ARL15: variants seen among roughly 807,000 people sequenced by gnomAD.
ARL15 encodes the protein ADP-ribosylation factor-like protein 15.
ARL15 carries 19 observed loss-of-function variants against 25.2 expected under a neutral mutation model. The observed-to-expected ratio is 0.75, with a 90% CI of 0.53 to 1.10. The LOEUF is 1.10. Among genes scored for constraint, ARL15 ranks in the 50% least tolerant of loss-of-function variants. ARL15 has a pLI of 0.00. For missense variants in ARL15, 220 were observed against 246.0 expected, an observed-to-expected ratio of 0.89 and a Z score of 0.71; for synonymous variants, 94 against 86.8, an observed-to-expected ratio of 1.08 and a Z score of -0.46.
chr5:54,051,315 CTAA>C (rs1389036695), intron 4 of ARL15, among the ~76,000 whole-genome samples: 2 of 152,152 alleles, frequency 1.3e-5, no homozygotes, highest in Non-Finnish European at 2.9e-5. Flanking sequence ...AGTCGCAAGA[CTAA>C]TAAGTACCAA....
At chr5:54,048,399 A>G (rs942369613) in intron 4 of ARL15, 5 of 98,600 alleles carry the variant, frequency 5.1e-5, no homozygotes, top group Non-Finnish European at 1.0e-4. Flanking sequence ...TAAATTATAT[A>G]TATATATATT....
At chr5:54,218,265 T>TA (rs957934430) in intron 1 of ARL15, among the ~76,000 whole-genome samples, 1 of 152,140 alleles carries the variant, frequency 6.6e-6, no homozygotes, top group Non-Finnish European at 1.5e-5. Flanking sequence ...ATGGTTTTTT[T>TA]AAAAAATTTT....
intron 1 of ARL15, among the ~76,000 whole-genome samples, chr5:54,206,338 G>A (rs1755867836): frequency 6.6e-6 from 1 of 152,090 alleles, no homozygotes; most frequent in African/African-American, 2.4e-5. Flanking sequence ...TATTTATAGT[G>A]AACAAGGAAG....
At chr5:54,061,416 C>G (rs975675936) in intron 4 of ARL15, among the ~76,000 whole-genome samples, 1 of 152,074 alleles carries the variant, frequency 6.6e-6, no homozygotes, top group Non-Finnish European at 1.5e-5. Flanking sequence ...TCGAGACCAG[C>G]CTGACTACCA....
At chr5:53,969,271 A>G (rs564826535) in intron 4 of ARL15, among the ~76,000 whole-genome samples, 11 of 152,322 alleles carry the variant, frequency 7.2e-5, no homozygotes, top group South Asian at 2.1e-4. Context: ...TTAAAAACTG[A>G]AATACTTGCA....
intron 1 of ARL15, among the ~76,000 whole-genome samples, chr5:54,280,549 G>C (rs972818002): frequency 1.3e-5 from 2 of 152,142 alleles, no homozygotes; most frequent in African/African-American, 4.8e-5. Flanking sequence ...CGTTGTGCAA[G>C]GTATTGTAAA....
chr5:54,207,671 G>C (rs1490205387), intron 1 of ARL15, among the ~76,000 whole-genome samples: 1 of 152,206 alleles, frequency 6.6e-6, no homozygotes, highest in African/African-American at 2.4e-5. Flanking sequence ...TGGTCCAGCA[G>C]ACAAGAAGCT....
Position 54,268,574 on chromosome 5 carries a change from T to C in ARL15, c.48+41858A>G, listed in dbSNP as rs186569615. Among the ~76,000 whole-genome samples, 712 of 152,328 alleles carry C rather than the reference T, an allele frequency of 4.7e-3. 6 individuals are homozygous for C. Among genetic ancestry groups the C allele is most frequent in the African/African-American group, 0.016 (665 of 41,568 alleles). On this transcript the variant is annotated intron_variant, in intron 1 of 4. Transcript: ENST00000504924. The stretch of plus-strand genomic sequence containing the variant: ...TTTAGAGTTTCCAGTTTTTCTGCTC[T>C]GTTTTTTCCCCATCTTTGTGGTTTC...
intron 4 of ARL15, among the ~76,000 whole-genome samples, chr5:53,929,088 A>C (rs547434993): frequency 6.6e-6 from 1 of 152,138 alleles, no homozygotes; most frequent in African/African-American, 2.4e-5. Context: ...ATGAAGTTAG[A>C]GGGAAACGAT....
intron 4 of ARL15, among the ~76,000 whole-genome samples, chr5:54,029,200 G>A (rs1278927568): frequency 6.6e-6 from 1 of 152,004 alleles, no homozygotes; most frequent in Non-Finnish European, 1.5e-5. Context: ...ATGTAAAATG[G>A]GGATGATTAC....
At chr5:54,303,783 CAA>C (rs1411863814) in intron 1 of ARL15, among the ~76,000 whole-genome samples, 1 of 133,784 alleles carries the variant, frequency 7.5e-6, no homozygotes, top group Non-Finnish European at 1.6e-5. Context: ...AAAAACGAAA[CAA>C]AACAAAACTG....
At chr5:53,925,649 T>C (rs929617792) in intron 4 of ARL15, among the ~76,000 whole-genome samples, 5 of 152,124 alleles carry the variant, frequency 3.3e-5, no homozygotes, top group African/African-American at 4.8e-5. Flanking sequence ...ATTATATATA[T>C]GTTATTTTTT....
intron 4 of ARL15, among the ~76,000 whole-genome samples, chr5:54,092,636 C>T (rs1053531542): frequency 5.9e-5 from 9 of 152,082 alleles, no homozygotes; most frequent in East Asian, 1.9e-4. Context: ...TTCCTTAAAG[C>T]GTTTAGATCC....
At chr5:53,957,621 G>C (rs1747201925) in intron 4 of ARL15, among the ~76,000 whole-genome samples, 1 of 151,754 alleles carries the variant, frequency 6.6e-6, no homozygotes, top group African/African-American at 2.4e-5. Flanking sequence ...CCAGGAGTTT[G>C]AGACCAGCTC....
chr5:54,199,900 T>A, intron 1 of ARL15, among the ~76,000 whole-genome samples: 1 of 108,886 alleles, frequency 9.2e-6, no homozygotes, highest in Non-Finnish European at 1.9e-5. Context: ...AACCCAAATG[T>A]CCAACAATGA....
chr5:54,168,012 A>C (rs182864748), intron 2 of ARL15, among the ~76,000 whole-genome samples: 2 of 152,350 alleles, frequency 1.3e-5, no homozygotes, highest in Admixed American at 1.3e-4. Context: ...TTTGACTTAA[A>C]GGATATTATA....
intron 3 of ARL15, among the ~76,000 whole-genome samples, chr5:54,152,312 T>C (rs554688927): frequency 6.6e-6 from 1 of 152,306 alleles, no homozygotes; most frequent in African/African-American, 2.4e-5. Context: ...ATATCTAGCA[T>C]ACACGTTAAC....
chr5:54,119,991 A>T (rs1321461340), intron 3 of ARL15, among the ~76,000 whole-genome samples: 1 of 152,204 alleles, frequency 6.6e-6, no homozygotes, highest in African/African-American at 2.4e-5. Context: ...TCCTGATTAC[A>T]CTGGAAGAAC....
intron 2 of ARL15, among the ~76,000 whole-genome samples, chr5:54,164,773 T>C (rs926229735): frequency 9.9e-5 from 15 of 151,992 alleles, no homozygotes; most frequent in African/African-American, 3.4e-4. Flanking sequence ...ATTCTTAAAG[T>C]CAGTATTTGG....
Sources: gnomAD v4.1 joint callset for allele counts (sites outside exome capture counted in the v4.1 genomes callset) on GRCh38, gnomAD v4.1.1 for gene constraint, MANE v1.5 for transcripts, NCBI Gene and HGNC (gene_info 2026-07-23, HGNC 2026-07-21) for gene names.